PCDH15: variants seen among roughly 807,000 people sequenced by gnomAD.
The protein encoded by PCDH15 is protocadherin related 15, also known as protocadherin-15.
A neutral mutation model predicts 178.5 loss-of-function variants in PCDH15; 129 were observed. The ratio of observed to expected loss-of-function variants is 0.72; its 90% CI spans 0.63 to 0.84. The LOEUF (loss-of-function observed/expected upper bound fraction) is 0.84, where lower values mean the gene tolerates loss of function less well. Ranked by LOEUF, PCDH15 falls within the 40% of genes least tolerant of loss-of-function variation. The probability of loss-of-function intolerance (pLI) is 0.00; values close to 1 mark genes in which losing one functional copy is unlikely to be tolerated. For synonymous variants in PCDH15, 800 were observed against 732.0 expected, an observed-to-expected ratio of 1.09 and a Z score of -1.50; for missense variants, 2,230 against 2,099.9, an observed-to-expected ratio of 1.06 and a Z score of -1.21.
intron 3 of PCDH15, among the ~76,000 whole-genome samples, chr10:54,834,398 C>T (rs1404889467): frequency 6.6e-6 from 1 of 151,756 alleles, no homozygotes; most frequent in Non-Finnish European, 1.5e-5. Flanking sequence ...AGGCTGGTCT[C>T]GAACTCCTGA....
At chr10:55,195,515 G>T (rs933176897) in intron 1 of PCDH15, among the ~76,000 whole-genome samples, 1 of 150,190 alleles carries the variant, frequency 6.7e-6, no homozygotes, top group Non-Finnish European at 1.5e-5. Context: ...AATTAGGCGG[G>T]CATGGTGGTG....
chr10:55,545,307 G>A (rs1258056411), intron 2 of PCDH15, among the ~76,000 whole-genome samples: 5 of 147,914 alleles, frequency 3.4e-5, no homozygotes, highest in Non-Finnish European at 5.9e-5. Context: ...TCACTCTGTC[G>A]CTCTGTTTCT....
At chr10:54,177,288 G>C (rs981762233) in intron 13 of PCDH15, among the ~76,000 whole-genome samples, 1 of 152,092 alleles carries the variant, frequency 6.6e-6, no homozygotes, top group Non-Finnish European at 1.5e-5. Context: ...GCAAGGGGGA[G>C]GGAAGCATAG....
At chr10:55,153,749 C>T (rs1039873390) in intron 2 of PCDH15, among the ~76,000 whole-genome samples, 2 of 152,166 alleles carry the variant, frequency 1.3e-5, no homozygotes, top group Admixed American at 6.5e-5. Flanking sequence ...ATGGGTATCA[C>T]CAGCACTGGT....
At chr10:55,479,289 C>A (rs1174427403) in intron 2 of PCDH15, among the ~76,000 whole-genome samples, 1 of 151,528 alleles carries the variant, frequency 6.6e-6, no homozygotes, top group Non-Finnish European at 1.5e-5. Context: ...AAAGGTCATT[C>A]AGTAATATCA....
intron 10 of PCDH15, among the ~76,000 whole-genome samples, chr10:54,199,570 C>CAACAACAATAATAAT (rs142287657): frequency 2.2e-4 from 31 of 142,528 alleles, no homozygotes; most frequent in Non-Finnish European, 2.7e-4. Context: ...ACAACAACAA[C>CAACAACAATAATAAT]AATAATAATA....
At chr10:54,906,725 G>T (rs984686850) in intron 2 of PCDH15, among the ~76,000 whole-genome samples, 1 of 152,094 alleles carries the variant, frequency 6.6e-6, no homozygotes, top group African/African-American at 2.4e-5. Flanking sequence ...ATTTATAAAG[G>T]TACATCCTAG....
intron 2 of PCDH15, among the ~76,000 whole-genome samples, chr10:54,653,946 T>A (rs2135248157): frequency 6.6e-6 from 1 of 152,380 alleles, no homozygotes; most frequent in East Asian, 1.9e-4. Flanking sequence ...AATATGCTAA[T>A]GCACAAATTT....
chr10:54,317,393 T>C lies in PCDH15; in HGVS notation c.754A>G (p.Thr252Ala), dbSNP rs748584385. Reference sequence around the variant, plus strand: ...TCATCTCCATCCAGAACATCCACTGTGAGAGTGGTGGTGGTGGTTCGCCTC... The same window carrying C: ...TCATCTCCATCCAGAACATCCACTGCGAGAGTGGTGGTGGTGGTTCGCCTC... ...NERRTTTTTL[T>A]VDVLDGDDLG... The change falls in exon 8 of 38, where the codon ACA (threonine) becomes GCA (alanine). Residue 252 changes from threonine to alanine, a missense_variant. Coordinates refer to ENST00000644397, the MANE Select transcript of PCDH15 (RefSeq NM_001384140.1). 3.1e-6 allele frequency: 5 copies of C among 1,613,292 alleles called. No homozygotes were observed. The highest frequency in any genetic ancestry group is 4.2e-6 in the Non-Finnish European group (5 of 1,179,454).
chr10:54,570,039 GGTGTGT>G (rs10535144), intron 2 of PCDH15, among the ~76,000 whole-genome samples: 16 of 150,826 alleles, frequency 1.1e-4, no homozygotes, highest in African/African-American at 3.6e-4. Flanking sequence ...TACAATTAGG[GGTGTGT>G]GTGTGTGTGT....
intron 1 of PCDH15, among the ~76,000 whole-genome samples, chr10:55,316,201 A>G (rs1843718158): frequency 6.6e-6 from 1 of 152,190 alleles, no homozygotes; most frequent in African/African-American, 2.4e-5. Context: ...CTGTAAATAA[A>G]TAATATTGTC....
At chr10:54,936,200 A>C (rs1222264608) in intron 2 of PCDH15, among the ~76,000 whole-genome samples, 1 of 152,034 alleles carries the variant, frequency 6.6e-6, no homozygotes, top group Non-Finnish European at 1.5e-5. Flanking sequence ...ATATTTATCC[A>C]TGTTGTTGCA....
At chr10:54,800,548 A>G (rs7910461) in intron 1 of PCDH15, among the ~76,000 whole-genome samples, 20 of 152,122 alleles carry the variant, frequency 1.3e-4, no homozygotes, top group Non-Finnish European at 1.3e-4. Context: ...AAAAACAAAA[A>G]GTCAATTCTG....
chr10:54,421,884 A>G, intron 3 of PCDH15, among the ~76,000 whole-genome samples: 1 of 27,482 alleles, frequency 3.6e-5, no homozygotes, highest in South Asian at 5.6e-4. Context: ...ATATATATAT[A>G]CACACACACA....
intron 5 of PCDH15, among the ~76,000 whole-genome samples, chr10:54,366,487 C>T (rs1168629804): frequency 1.3e-5 from 2 of 152,032 alleles, no homozygotes; most frequent in South Asian, 2.1e-4. Context: ...TCTATTTATA[C>T]ACATACACAT....
intron 2 of PCDH15, among the ~76,000 whole-genome samples, chr10:54,907,536 T>C (rs1954746331): frequency 6.6e-6 from 1 of 152,180 alleles, no homozygotes; most frequent in Non-Finnish European, 1.5e-5. Flanking sequence ...GCTCTCTTGG[T>C]CTCTGCCCTT....
intron 26 of PCDH15, among the ~76,000 whole-genome samples, chr10:53,886,511 A>G (rs2081103430): frequency 6.6e-6 from 1 of 152,114 alleles, no homozygotes; most frequent in Non-Finnish European, 1.5e-5. Context: ...TGACTTAAAT[A>G]AAATGTTCTT....
At chr10:54,210,916 G>A (rs1279599946) in intron 10 of PCDH15, among the ~76,000 whole-genome samples, 1 of 151,858 alleles carries the variant, frequency 6.6e-6, no homozygotes, top group Non-Finnish European at 1.5e-5. Flanking sequence ...TTAATTAAAG[G>A]GATTTAGATT....
In PCDH15 at chr10:53,806,793, A is replaced by G; in HGVS notation, c.5009T>C (p.Leu1670Pro). 1 of 1,613,840 alleles carries G rather than the reference A, an allele frequency of 6.2e-7. No individual in the cohort carries two copies. Among genetic ancestry groups the G allele is most frequent in the Non-Finnish European group, 8.5e-7 (1 of 1,179,818 alleles). Residue 1670 changes from leucine to proline, a missense_variant, in exon 38 of 38, where the codon CTG becomes CCG. Leu to Pro is a moderately conservative substitution (Grantham distance 98). Coordinates refer to ENST00000644397, the MANE Select transcript of PCDH15 (RefSeq NM_001384140.1). ...CACAGGGCAAGGGGCAAATGTAACCAGAGTTGGTCTTGCATTCATTTTTTC... is the reference window on the plus strand; with the variant it reads ...CACAGGGCAAGGGGCAAATGTAACCGGAGTTGGTCTTGCATTCATTTTTTC... ...STEKMNARPT[L>P]VTFAPCPVGT...
Sources: gnomAD v4.1 joint callset for allele counts (sites outside exome capture counted in the v4.1 genomes callset) on GRCh38, gnomAD v4.1.1 for gene constraint, MANE v1.5 for transcripts, NCBI Gene and HGNC (gene_info 2026-07-23, HGNC 2026-07-21) for gene names.